CARM1: variants seen among roughly 807,000 people sequenced by gnomAD.
CARM1 encodes the protein histone-arginine methyltransferase CARM1.
Under a neutral mutation model 72.7 loss-of-function variants are expected in CARM1, and 14 were observed. That is an observed-to-expected ratio of 0.19 (90% CI 0.13 to 0.30). The LOEUF (loss-of-function observed/expected upper bound fraction) is 0.30. Among genes scored for constraint, CARM1 ranks in the 10% least tolerant of loss-of-function variants. CARM1 has a pLI of 1.00. For synonymous variants in CARM1, 333 were observed against 345.5 expected, an observed-to-expected ratio of 0.96 and a Z score of 0.40; for missense variants, 432 against 833.7, an observed-to-expected ratio of 0.52 and a Z score of 5.93.
rs755200238 is a variant in CARM1 at position 10,921,573 on chromosome 19, G to A, written c.1685-42G>A. On this transcript the variant is annotated intron_variant, in intron 15 of 15. Coordinates refer to ENST00000327064, the MANE Select transcript of CARM1 (RefSeq NM_199141.2). ...CTCTGTGACTCTGCCTGGGGGCTGG[G>A]CGGGCCAGGGCAGCCCCTCACTGCC... The A allele has an allele frequency of 3.8e-6, 6 of 1,583,922 alleles. No individual in the cohort carries two copies. The African/African-American group carries it at 8.1e-5, about 21-fold the overall frequency.
chr19:10,874,164 C>T lies in CARM1; in HGVS notation c.220+2242C>T, dbSNP rs549092399. On this transcript the variant is annotated intron_variant, in intron 1 of 15. Coordinates refer to ENST00000327064, the MANE Select transcript of CARM1 (RefSeq NM_199141.2). ...AGGTTTCACTATGTCACTGTGTTGC[C>T]CAGGCTGGTCTCCAACTTCTGAGCT... Among the ~76,000 whole-genome samples the T allele has an allele frequency of 2.6e-5, 4 of 152,032 alleles. No individual in the cohort carries two copies. In the South Asian group the frequency reaches 8.3e-4, roughly 32 times the overall value.
At chr19:10,891,652 G>C (rs1414330308) in intron 1 of CARM1, among the ~76,000 whole-genome samples, 2 of 152,230 alleles carry the variant, frequency 1.3e-5, no homozygotes, top group African/African-American at 4.8e-5. Flanking sequence ...CCACTCTAGG[G>C]AGGGGCCCAG....
intron 6 of CARM1, among the ~76,000 whole-genome samples, chr19:10,914,971 C>T (rs895447004): frequency 6.6e-6 from 1 of 152,214 alleles, no homozygotes; most frequent in African/African-American, 2.4e-5. Context: ...CATTTCTGTA[C>T]AGGCAAGCAG....
At chr19:10,892,547 G>A (rs2073995685) in intron 1 of CARM1, among the ~76,000 whole-genome samples, 2 of 152,338 alleles carry the variant, frequency 1.3e-5, no homozygotes, top group South Asian at 4.1e-4. Context: ...AGGAGAGGGA[G>A]GCCAGGCCGG....
At chr19:10,900,765 G>A (rs1471603501) in intron 1 of CARM1, among the ~76,000 whole-genome samples, 1 of 151,748 alleles carries the variant, frequency 6.6e-6, no homozygotes, top group Non-Finnish European at 1.5e-5. Context: ...CTCACCGCAA[G>A]CTCCGCCTCC....
At chr19:10,886,975 G>A (rs917061630) in intron 1 of CARM1, among the ~76,000 whole-genome samples, 3 of 151,958 alleles carry the variant, frequency 2.0e-5, no homozygotes, top group Non-Finnish European at 4.4e-5. Flanking sequence ...TCGGTGTCCC[G>A]AGGAGCTGGG....
At chr19:10,875,536 T>C (rs1005538167) in intron 1 of CARM1, among the ~76,000 whole-genome samples, 5 of 152,098 alleles carry the variant, frequency 3.3e-5, no homozygotes, top group Non-Finnish European at 5.9e-5. Context: ...GCCATTCTCC[T>C]GCCTCAGCCT....
chr19:10,879,132 T>C (rs935180994), intron 1 of CARM1, among the ~76,000 whole-genome samples: 5 of 152,110 alleles, frequency 3.3e-5, no homozygotes, highest in African/African-American at 1.2e-4. Flanking sequence ...TGAGGTCTTG[T>C]CCTCAGGTTT....
Position 10,915,151 on chromosome 19 carries a change from G to C in CARM1, c.847+1097G>C, listed in dbSNP as rs1042595223. Among the ~76,000 whole-genome samples the C allele has an allele frequency of 2.0e-5, 3 of 152,146 alleles. No homozygotes were observed. Among genetic ancestry groups the C allele is most frequent in the African/African-American group, 7.2e-5 (3 of 41,428 alleles). On this transcript the variant is annotated intron_variant, in intron 6 of 15. Transcript: ENST00000327064. The surrounding 1 kb of genome is among the most constrained non-coding windows in gnomAD (Gnocchi z 4.6). ...AGGCCCTAGGGTCCTGGCTGGCTGT[G>C]CTCCTGGAGGTGGGAGGTGGCGTCC...
chr19:10,898,790 C>T (rs1379028579), intron 1 of CARM1, among the ~76,000 whole-genome samples: 2 of 152,220 alleles, frequency 1.3e-5, no homozygotes, highest in Admixed American at 6.5e-5. Flanking sequence ...CCTGCCTACT[C>T]AGAGGTGACC....
chr19:10,886,496 C>T (rs2073943679), intron 1 of CARM1, among the ~76,000 whole-genome samples: 1 of 151,754 alleles, frequency 6.6e-6, no homozygotes, highest in Admixed American at 6.6e-5. Context: ...ATGCCCCGCC[C>T]CCTCCCTCAT....
At chr19:10,894,094 G>T (rs1353973171) in intron 1 of CARM1, among the ~76,000 whole-genome samples, 1 of 152,242 alleles carries the variant, frequency 6.6e-6, no homozygotes, top group Non-Finnish European at 1.5e-5. Context: ...CCTGGCTCAG[G>T]TGTCGCCTCC....
intron 1 of CARM1, among the ~76,000 whole-genome samples, chr19:10,892,796 G>A (rs765581659): frequency 3.7e-4 from 56 of 152,144 alleles, no homozygotes; most frequent in Non-Finnish European, 7.5e-4. Flanking sequence ...GCTATGGCAC[G>A]ATTTCTGCTC....
chr19:10,875,548 C>T (rs1328975802), intron 1 of CARM1, among the ~76,000 whole-genome samples: 1 of 152,044 alleles, frequency 6.6e-6, no homozygotes, highest in Non-Finnish European at 1.5e-5. Context: ...CCTCAGCCTC[C>T]CGGGTAGCTG....
chr19:10,879,128 C>G (rs1301186291), intron 1 of CARM1, among the ~76,000 whole-genome samples: 1 of 152,132 alleles, frequency 6.6e-6, no homozygotes, highest in Non-Finnish European at 1.5e-5. Flanking sequence ...AAGGTGAGGT[C>G]TTGTCCTCAG....
At chr19:10,890,535 TG>T (rs1270081232) in intron 1 of CARM1, among the ~76,000 whole-genome samples, 1 of 151,380 alleles carries the variant, frequency 6.6e-6, no homozygotes, top group Non-Finnish European at 1.5e-5. Context: ...CCCAAAGTGC[TG>T]GGATTACAGG....
intron 1 of CARM1, among the ~76,000 whole-genome samples, chr19:10,901,984 C>CT (rs2074069657): frequency 6.6e-6 from 1 of 152,078 alleles, no homozygotes; most frequent in Non-Finnish European, 1.5e-5. Flanking sequence ...TGGCTCACCT[C>CT]TGTAATCCCA....
intron 8 of CARM1, chr19:10,919,115 A>G (rs905688744): frequency 6.5e-5 from 10 of 154,666 alleles, no homozygotes; most frequent in Admixed American, 6.3e-5. Flanking sequence ...CAGGCATACA[A>G]TTCCACACCC....
At chr19:10,906,912 T>G (rs1277815861) in intron 2 of CARM1, among the ~76,000 whole-genome samples, 2 of 148,986 alleles carry the variant, frequency 1.3e-5, no homozygotes, top group African/African-American at 5.0e-5. Flanking sequence ...TTTATTTTAT[T>G]TTATTTTATT....
Sources: gnomAD v4.1 joint callset for allele counts (sites outside exome capture counted in the v4.1 genomes callset) on GRCh38, gnomAD v4.1.1 for gene constraint, Gnocchi (gnomAD v3.1) non-coding constraint, MANE v1.5 for transcripts, NCBI Gene and HGNC (gene_info 2026-07-23, HGNC 2026-07-21) for gene names.